The following TMEM94 variants were observed in gnomAD, a reference collection of about 807,000 sequenced individuals.
TMEM94 encodes the protein transmembrane protein 94, also known as ER Mg2+ ATPase.
TMEM94 carries 81 observed loss-of-function variants against 158.6 expected under a neutral mutation model. That is an observed-to-expected ratio of 0.51 (90% CI 0.43 to 0.61). The LOEUF (loss-of-function observed/expected upper bound fraction) is 0.61, where lower values mean the gene tolerates loss of function less well. Among genes scored for constraint, TMEM94 ranks in the 20% least tolerant of loss-of-function variants. The pLI is 0.00. For missense variants in TMEM94, 1,435 were observed against 1,762.0 expected, an observed-to-expected ratio of 0.81 and a Z score of 3.32; for synonymous variants, 751 against 730.7, an observed-to-expected ratio of 1.03 and a Z score of -0.45.
chr17:75,464,676 C>CTTCT lies in TMEM94; in HGVS notation c.-106-7096_-106-7093dup, dbSNP rs376169961. On this transcript the variant is annotated intron_variant, in intron 1 of 31. Transcript: ENST00000314256. ...CCTTCCTTCCTTCCTTCCTTCCTTC[C>CTTCT]TTCTTTCTTTCTTTCTTTCTTTCTT... Among the ~76,000 whole-genome samples, 31 of 59,942 alleles carry CTTCT rather than the reference C, an allele frequency of 5.2e-4. No homozygotes were observed. In the East Asian group the frequency reaches 5.5e-3, roughly 11 times the overall value. The allele number at this position is 59,942 out of a possible 152,430, so 39.3% of individuals were successfully genotyped here.
intron 2 of TMEM94, among the ~76,000 whole-genome samples, chr17:75,484,713 A>G (rs978219096): frequency 6.6e-6 from 1 of 151,494 alleles, no homozygotes; most frequent in African/African-American, 2.4e-5. Context: ...TAGCATCTCT[A>G]TGTTAGTTTC....
At chr17:75,480,949 G>A (rs994605008) in intron 2 of TMEM94, among the ~76,000 whole-genome samples, 8 of 152,210 alleles carry the variant, frequency 5.3e-5, no homozygotes, top group African/African-American at 1.9e-4. Context: ...AGGAAGCTCA[G>A]AAGGCTGAGC....
chr17:75,457,804 A>C (rs1387222427), intron 1 of TMEM94: 1 of 152,182 alleles, frequency 6.6e-6, no homozygotes, highest in African/African-American at 2.4e-5. Flanking sequence ...CTAGAGCCAA[A>C]CTAGAATCCG....
chr17:75,465,679 A>ATATATATATATATATATATTT (rs1247855961), intron 1 of TMEM94, among the ~76,000 whole-genome samples: 1 of 124,848 alleles, frequency 8.0e-6, no homozygotes, highest in African/African-American at 3.5e-5. Flanking sequence ...ATATATATAT[A>ATATATATATATATATATATTT]TTTTTTTTTA....
At position 75,486,316 on chromosome 17, in the gene TMEM94, C is replaced by G. The variant is rs151289436; in HGVS notation, c.299C>G (p.Ser100Trp). 6.2e-7 allele frequency: 1 copy of G among 1,614,042 alleles called. No individual in the cohort carries two copies. Among genetic ancestry groups the G allele is most frequent in the African/African-American group, 1.3e-5 (1 of 74,928 alleles). Reference protein sequence around the residue: ...GSRGVGLVNASALFLLLLLNL... With the variant: ...GSRGVGLVNAWALFLLLLLNL... ...CGTGGGGTGGGGCTGGTGAATGCCTCGGCCTTGTTCCTGTTACTGCTTCTC... is the reference window on the plus strand; with the variant it reads ...CGTGGGGTGGGGCTGGTGAATGCCTGGGCCTTGTTCCTGTTACTGCTTCTC... Residue 100 changes from serine to tryptophan, a missense_variant, in exon 5 of 32, where the codon TCG (serine) becomes TGG (tryptophan). Ser to Trp is a radical substitution (Grantham distance 177). Coordinates refer to ENST00000314256, the MANE Select transcript of TMEM94 (RefSeq NM_014738.6).
At chr17:75,478,244 C>T (rs1372187202) in intron 2 of TMEM94, among the ~76,000 whole-genome samples, 1 of 139,094 alleles carries the variant, frequency 7.2e-6, no homozygotes, top group Non-Finnish European at 1.6e-5. Flanking sequence ...GTCTCGATCT[C>T]CTGACCTCGT....
chr17:75,458,458 T>C (rs1435025533), intron 1 of TMEM94, among the ~76,000 whole-genome samples: 1 of 152,052 alleles, frequency 6.6e-6, no homozygotes, highest in Non-Finnish European at 1.5e-5. Context: ...TCCCAGCACT[T>C]TGGGAGGCTG....
rs1388033069 is a variant in TMEM94, at chr17:75,491,355, C to T, written c.1286C>T (p.Pro429Leu). The part of the protein sequence containing the change: ...QGILSWPNPS[P>L]ETVLFFSGKV... ...ATCCTGTCATGGCCAAATCCCAGCC[C>T]AGAGACTGTACTGTTCTTCAGCGGG... Residue 429 changes from proline (P) to leucine (L), a missense_variant, in exon 13 of 32, where the codon CCA (proline) becomes CTA (leucine). Around this residue, in one of 3 missense-constraint regions of TMEM94, gnomAD observed 1,051 missense variants for 1,254.4 expected, o/e 0.84. Coordinates refer to ENST00000314256, the MANE Select transcript of TMEM94 (RefSeq NM_014738.6). The surrounding 1 kb of genome is among the most constrained non-coding windows in gnomAD (Gnocchi z 5.1). The T allele has an allele frequency of 6.2e-7, 1 of 1,614,164 alleles. No homozygotes were observed. The highest frequency in any genetic ancestry group is 8.5e-7 in the Non-Finnish European group (1 of 1,180,034).
chr17:75,485,852 C>T lies in TMEM94; in HGVS notation c.145-19C>T. 1 of 1,601,598 alleles carries T rather than the reference C, an allele frequency of 6.2e-7. No individual in the cohort carries two copies. The stretch of plus-strand genomic sequence containing the variant: ...TGGGACAGGCCTCTCATTGTCCCCT[C>T]CCTGTCCGAACTTCCCAGGAGGTGT... On this transcript the variant is annotated intron_variant, in intron 3 of 31. Coordinates refer to ENST00000314256, the MANE Select transcript of TMEM94 (RefSeq NM_014738.6). This position sits in a 1 kb window ranked among gnomAD's most constrained non-coding sequence, Gnocchi z 5.5.
At chr17:75,484,328 C>T (rs1343066433) in intron 2 of TMEM94, among the ~76,000 whole-genome samples, 1 of 151,498 alleles carries the variant, frequency 6.6e-6, no homozygotes, top group Non-Finnish European at 1.5e-5. Flanking sequence ...ACCTCCCTCC[C>T]TCCCTGACAG....
At position 75,463,140 on chromosome 17, in the gene TMEM94, A is replaced by ATATATATGTATATATATACGTATATATG; in HGVS notation, c.-107+6396_-107+6397insGTATATATATACGTATATATGTATATAT. On this transcript the variant is annotated intron_variant, in intron 1 of 31. Transcript: ENST00000314256. ...TGTATATATATACGTGTATATATGT[A>ATATATATGTATATATATACGTATATATG]TATATATACACGTATATATATGTGT... Among the ~76,000 whole-genome samples the ATATATATGTATATATATACGTATATATG allele has an allele frequency of 2.4e-4, 16 of 66,464 alleles. 1 individual carries two copies. The highest frequency in any genetic ancestry group is 1.7e-3 in the African/African-American group (15 of 8,818). The allele number at this position is 66,464 out of a possible 152,430, so 43.6% of individuals were successfully genotyped here. A position where few individuals can be genotyped will look rare whatever the true frequency, so the allele number is the denominator to read the frequency against.
Position 75,463,079 on chromosome 17 carries a change from T to TAC in TMEM94, c.-107+6342_-107+6343dup, listed in dbSNP as rs747265512. Among the ~76,000 whole-genome samples, 117 of 14,280 alleles carry TAC rather than the reference T, an allele frequency of 8.2e-3. 20 individuals carry two copies. The highest frequency in any genetic ancestry group is 0.028 in the East Asian group (7 of 246). The allele number at this position is 14,280 out of a possible 152,430, so 9.4% of individuals were successfully genotyped here. A position where few individuals can be genotyped will look rare whatever the true frequency, so the allele number is the denominator to read the frequency against. The stretch of plus-strand genomic sequence containing the variant: ...ATATATATATATATATATATATATA[T>TAC]ACACACACACACACATATATATGTG... On this transcript the variant is annotated intron_variant, in intron 1 of 31. Transcript: ENST00000314256.
At chr17:75,472,039 G>T (rs2050520693) in intron 2 of TMEM94, 110 bp downstream of exon 2, 17 of 1,075,882 alleles carry the variant, frequency 1.6e-5, no homozygotes, top group Non-Finnish European at 2.3e-5. Flanking sequence ...AACAAAAGTT[G>T]AGAGAGGAGG....
chr17:75,480,938 G>A (rs1037519869), intron 2 of TMEM94, among the ~76,000 whole-genome samples: 7 of 152,190 alleles, frequency 4.6e-5, no homozygotes, highest in Admixed American at 3.9e-4. Context: ...TCTCTGTGGC[G>A]AGGAAGCTCA....
chr17:75,492,951 G>A lies in TMEM94; in HGVS notation c.1935G>A (p.Glu645=). The A allele has an allele frequency of 6.2e-7, 1 of 1,613,424 alleles. No individual in the cohort carries two copies. Among genetic ancestry groups the A allele is most frequent in the Non-Finnish European group, 8.5e-7 (1 of 1,179,752 alleles). ...RLIGFTPGAK[E]LFKQENHLAL... ...CAGGCTTCACTCCTGGGGCCAAGGA[G>A]CTTTTCAAGCAGGAGAACCATCTGG... Residue 645 remains glutamate (E), a synonymous_variant, in exon 16 of 32, where the codon GAG becomes GAA. Transcript: ENST00000314256. This position sits in a 1 kb window ranked among gnomAD's most constrained non-coding sequence, Gnocchi z 4.4.
At chr17:75,462,197 GA>G (rs1379170481) in intron 1 of TMEM94, among the ~76,000 whole-genome samples, 1 of 151,280 alleles carries the variant, frequency 6.6e-6, no homozygotes, top group African/African-American at 2.4e-5. Flanking sequence ...ATTTTTAGTA[GA>G]GACAGGGTTT....
chr17:75,471,632 T>G (rs2050507009), intron 1 of TMEM94, among the ~76,000 whole-genome samples, 168 bp from the exon 2 acceptor site: 1 of 151,434 alleles, frequency 6.6e-6, no homozygotes, highest in South Asian at 2.1e-4. Context: ...GAGAATCGCT[T>G]GAACCCAGGA....
Position 75,492,395 on chromosome 17 carries a change from C to G in TMEM94, c.1597-79C>G. On this transcript the variant is annotated intron_variant, in intron 14 of 31. Transcript: ENST00000314256. This position sits in a 1 kb window ranked among gnomAD's most constrained non-coding sequence, Gnocchi z 4.4. Reference sequence around the variant, plus strand: ...TTTCAGGGGCAGGAGCCCTCCCCAGCCTTGGGAGGTGGGCAGAGCCAGTGC... The same window carrying G: ...TTTCAGGGGCAGGAGCCCTCCCCAGGCTTGGGAGGTGGGCAGAGCCAGTGC... The G allele has an allele frequency of 6.7e-7, 1 of 1,492,508 alleles. No individual in the cohort carries two copies. The highest frequency in any genetic ancestry group is 1.4e-5 in the African/African-American group (1 of 71,426). The allele number at this position is 1,492,508 out of a possible 1,614,324, so 92.5% of individuals were successfully genotyped here.
At position 75,493,798 on chromosome 17, in the gene TMEM94, T is replaced by C. The variant is rs1219252790; in HGVS notation, c.2289T>C (p.Asn763=). The C allele has an allele frequency of 6.2e-7, 1 of 1,614,022 alleles. No individual in the cohort carries two copies. The highest frequency in any genetic ancestry group is 8.5e-7 in the Non-Finnish European group (1 of 1,180,028). ...PMNCALSSQL[N]GKCIELVQVP... is the part of the protein sequence containing the mutation. Reference sequence around the variant, plus strand: ...ACTGCGCCCTGTCCTCTCAGCTCAATGGCAAGTGCATCGAGCTGGTACAGG... The same window carrying C: ...ACTGCGCCCTGTCCTCTCAGCTCAACGGCAAGTGCATCGAGCTGGTACAGG... The change falls in exon 18 of 32, where the codon AAT becomes AAC. Residue 763 remains asparagine, a synonymous_variant. Transcript: ENST00000314256.
Sources: gnomAD v4.1 joint callset for allele counts (sites outside exome capture counted in the v4.1 genomes callset) on GRCh38, gnomAD v4.1.1 for gene constraint, gnomAD v4.1.1 regional missense constraint, Gnocchi (gnomAD v3.1) non-coding constraint, MANE v1.5 for transcripts, NCBI Gene and HGNC (gene_info 2026-07-23, HGNC 2026-07-21) for gene names.